Variants in CTNNA2 observed in about 807,000 individuals in gnomAD.
The protein encoded by CTNNA2 is catenin alpha-2.
Under a neutral mutation model 101.0 loss-of-function variants are expected in CTNNA2, and 42 were observed. The observed-to-expected ratio is 0.42, with a 90% confidence interval of 0.32 to 0.54. The LOEUF (loss-of-function observed/expected upper bound fraction) is 0.54. CTNNA2 is among the 20% of genes least tolerant of loss of function. CTNNA2 has a pLI of 0.14. For synonymous variants in CTNNA2, 450 were observed against 456.4 expected, an observed-to-expected ratio of 0.99 and a Z score of 0.18; for missense variants, 871 against 1,223.1, an observed-to-expected ratio of 0.71 and a Z score of 4.29.
chr2:80,615,330 C>T (rs528892964), intron 17 of CTNNA2, among the ~76,000 whole-genome samples: 62 of 151,658 alleles, frequency 4.1e-4, no homozygotes, highest in Non-Finnish European at 8.9e-5. Flanking sequence ...ATTCAAAGAG[C>T]TGCATTTATT....
At chr2:79,950,675 A>G (rs540131999) in intron 7 of CTNNA2, among the ~76,000 whole-genome samples, 1 of 152,346 alleles carries the variant, frequency 6.6e-6, no homozygotes, top group Admixed American at 6.5e-5. Context: ...TTGTGGTAAC[A>G]TATTGAGCTT....
chr2:79,811,444 A>G (rs889187372), intron 3 of CTNNA2, among the ~76,000 whole-genome samples: 7 of 152,014 alleles, frequency 4.6e-5, no homozygotes, highest in Admixed American at 2.0e-4. Context: ...AGATGAGTAG[A>G]TTGCAGAAAT....
intron 3 of CTNNA2, among the ~76,000 whole-genome samples, chr2:79,332,070 T>C (rs1228470692): frequency 6.6e-6 from 1 of 152,036 alleles, no homozygotes; most frequent in African/African-American, 2.4e-5. Flanking sequence ...GTACTTAACA[T>C]TGCGAGATGG....
chr2:80,056,562 A>G (rs1488158549), intron 7 of CTNNA2, among the ~76,000 whole-genome samples: 1 of 152,132 alleles, frequency 6.6e-6, no homozygotes, highest in Non-Finnish European at 1.5e-5. Flanking sequence ...CGATCCTTAC[A>G]CTCAACTCCT....
chr2:79,859,920 T>G (rs1574153099), intron 4 of CTNNA2, among the ~76,000 whole-genome samples: 1 of 151,980 alleles, frequency 6.6e-6, no homozygotes, highest in African/African-American at 2.4e-5. Context: ...CTCAGGGTGG[T>G]GGGGAGGTTT....
intron 7 of CTNNA2, among the ~76,000 whole-genome samples, chr2:80,164,527 T>C (rs1704534087): frequency 6.6e-6 from 1 of 152,146 alleles, no homozygotes; most frequent in Non-Finnish European, 1.5e-5. Flanking sequence ...TTATAATTTT[T>C]GCTTCAACCA....
intron 3 of CTNNA2, among the ~76,000 whole-genome samples, chr2:79,810,099 A>G (rs1676890039): frequency 6.6e-6 from 1 of 152,214 alleles, no homozygotes. Context: ...TAAATGGGCT[A>G]AATGCCCCAA....
chr2:79,749,592 G>T (rs887100899), intron 3 of CTNNA2, among the ~76,000 whole-genome samples: 1 of 152,082 alleles, frequency 6.6e-6, no homozygotes, highest in Admixed American at 6.6e-5. Context: ...TGAGGCACTC[G>T]GCATGGTCCT....
intron 12 of CTNNA2, among the ~76,000 whole-genome samples, chr2:80,563,679 C>T (rs115629562): frequency 0.012 from 1,787 of 152,224 alleles, 32 homozygotes; most frequent in African/African-American, 0.041. Context: ...CACTTGGCTC[C>T]TGGTTTGCCT....
chr2:79,980,455 T>C (rs756084269), intron 7 of CTNNA2, among the ~76,000 whole-genome samples: 1 of 152,148 alleles, frequency 6.6e-6, no homozygotes, highest in Non-Finnish European at 1.5e-5. Flanking sequence ...AGCCCTCTAA[T>C]TGCAAAAATT....
chr2:79,333,371 T>C (rs1275121253), intron 3 of CTNNA2, among the ~76,000 whole-genome samples: 3 of 152,086 alleles, frequency 2.0e-5, no homozygotes, highest in Non-Finnish European at 2.9e-5. Flanking sequence ...AGTTTTAAAA[T>C]TCAATCAATA....
rs184886429 is a variant in CTNNA2 at position 79,765,976 on chromosome 2, C to T, written c.298+21394C>T. Among the ~76,000 whole-genome samples, 873 of 152,182 alleles carry T rather than the reference C, an allele frequency of 5.7e-3. 9 individuals are homozygous for T. Among genetic ancestry groups the T allele is most frequent in the African/African-American group, 0.019 (809 of 41,510 alleles). On this transcript the variant is annotated intron_variant, in intron 3 of 18. Coordinates refer to ENST00000402739, the MANE Select transcript of CTNNA2 (RefSeq NM_001282597.3). Reference sequence around the variant, plus strand: ...TTTAGTGGGAACTTATTTTTTAAAGCGAATTCATTCTTGGGAACAAATCCA... The same window carrying T: ...TTTAGTGGGAACTTATTTTTTAAAGTGAATTCATTCTTGGGAACAAATCCA...
intron 8 of CTNNA2, among the ~76,000 whole-genome samples, chr2:80,415,754 G>C (rs998196203): frequency 6.6e-6 from 1 of 151,994 alleles, no homozygotes; most frequent in Non-Finnish European, 1.5e-5. Context: ...CATTATTTAC[G>C]ATAGCCAAGA....
chr2:79,536,574 A>AGTATATGTGTGTGTGTGTGT (rs34403615), intron 1 of CTNNA2, among the ~76,000 whole-genome samples: 2 of 146,714 alleles, frequency 1.4e-5, no homozygotes, highest in Admixed American at 6.8e-5. Context: ...TCTCTAAAGA[A>AGTATATGTGTGTGTGTGTGT]GTGTGTGTGT....
intron 9 of CTNNA2, among the ~76,000 whole-genome samples, chr2:80,422,472 C>G (rs1252700371): frequency 6.7e-6 from 1 of 150,292 alleles, no homozygotes; most frequent in Admixed American, 6.6e-5. Flanking sequence ...ATAGTACTAG[C>G]TAGGACCTAC....
intron 4 of CTNNA2, among the ~76,000 whole-genome samples, chr2:79,859,817 T>C (rs1681447620): frequency 2.6e-5 from 4 of 152,110 alleles, no homozygotes; most frequent in Admixed American, 2.6e-4. Flanking sequence ...GGGTTTCATC[T>C]TGGTTTGGTA....
intron 9 of CTNNA2, among the ~76,000 whole-genome samples, chr2:80,529,976 G>A (rs984342206): frequency 1.3e-5 from 2 of 152,042 alleles, no homozygotes; most frequent in Non-Finnish European, 2.9e-5. Flanking sequence ...TTGGCTCGGG[G>A]TTTGTGTACA....
chr2:79,565,544 A>G (rs953343638), intron 1 of CTNNA2, among the ~76,000 whole-genome samples: 1 of 152,062 alleles, frequency 6.6e-6, no homozygotes, highest in African/African-American at 2.4e-5. Flanking sequence ...CTGATTTAGG[A>G]TATTGGTGGT....
intron 7 of CTNNA2, among the ~76,000 whole-genome samples, chr2:80,145,502 T>C (rs1160926008): frequency 6.6e-6 from 1 of 152,216 alleles, no homozygotes; most frequent in Non-Finnish European, 1.5e-5. Flanking sequence ...AGCATTTCTA[T>C]TTAACTGCCA....
Sources: gnomAD v4.1 joint callset for allele counts (sites outside exome capture counted in the v4.1 genomes callset) on GRCh38, gnomAD v4.1.1 for gene constraint, MANE v1.5 for transcripts, NCBI Gene and HGNC (gene_info 2026-07-23, HGNC 2026-07-21) for gene names.